Variants in RARB observed in about 807,000 individuals in gnomAD.
The protein encoded by RARB is retinoic acid receptor beta, also known as HBV-activated protein.
RARB carries 17 observed loss-of-function variants against 51.9 expected under a neutral mutation model. That is an observed-to-expected ratio of 0.33 (90% CI 0.22 to 0.49). The LOEUF is 0.49. Among genes scored for constraint, RARB ranks in the 20% least tolerant of loss-of-function variants. The probability of loss-of-function intolerance (pLI) is 0.99; values close to 1 mark genes in which losing one functional copy is unlikely to be tolerated. For missense variants in RARB, 369 were observed against 550.8 expected (o/e 0.67, Z 3.30); for synonymous variants, 215 against 195.4 (o/e 1.10, Z -0.84).
intron 1 of RARB, among the ~76,000 whole-genome samples, chr3:25,443,384 A>G (rs908449463): frequency 7.3e-5 from 11 of 151,576 alleles, no homozygotes; most frequent in Non-Finnish European, 1.3e-4. Context: ...CCTGTTAGCC[A>G]GGACATTATT....
chr3:25,495,863 T>C (rs1697000602), intron 2 of RARB, among the ~76,000 whole-genome samples: 1 of 152,184 alleles, frequency 6.6e-6, no homozygotes, highest in South Asian at 2.1e-4. Flanking sequence ...AGCAACAGAA[T>C]TCATTATTAA....
At chr3:25,465,332 C>T (rs1441608769) in intron 2 of RARB, among the ~76,000 whole-genome samples, 1 of 152,156 alleles carries the variant, frequency 6.6e-6, no homozygotes, top group Non-Finnish European at 1.5e-5. Flanking sequence ...CCAGCAGATG[C>T]ACCATAGGCC....
intron 2 of RARB, among the ~76,000 whole-genome samples, chr3:24,965,137 G>A (rs1460804076): frequency 6.6e-6 from 1 of 152,140 alleles, no homozygotes; most frequent in African/African-American, 2.4e-5. Flanking sequence ...TTCACTTCTG[G>A]TTAAGGGCAC....
At chr3:25,296,459 C>T (rs1394867067) in intron 5 of RARB, among the ~76,000 whole-genome samples, 1 of 152,128 alleles carries the variant, frequency 6.6e-6, no homozygotes, top group Non-Finnish European at 1.5e-5. Flanking sequence ...TCATCTGTAA[C>T]ATGTTGATTT....
intron 5 of RARB, among the ~76,000 whole-genome samples, chr3:25,349,187 G>C (rs921409683): frequency 6.6e-6 from 1 of 152,220 alleles, no homozygotes; most frequent in African/African-American, 2.4e-5. Context: ...TGTGAATGCA[G>C]CTGACAGTGA....
chr3:25,328,317 C>G (rs542533420), intron 5 of RARB, among the ~76,000 whole-genome samples: 1 of 152,270 alleles, frequency 6.6e-6, no homozygotes, highest in African/African-American at 2.4e-5. Context: ...GTGAGGAGTT[C>G]AAAACAAGCC....
intron 1 of RARB, among the ~76,000 whole-genome samples, chr3:25,437,117 C>CTTTTT (rs35238900): frequency 7.2e-6 from 1 of 139,650 alleles, no homozygotes; most frequent in Admixed American, 7.2e-5. Flanking sequence ...TAAAAGCAAA[C>CTTTTT]TTTTTTTTTT....
intron 2 of RARB, among the ~76,000 whole-genome samples, chr3:24,947,442 T>G (rs1420908451): frequency 1.3e-5 from 2 of 152,068 alleles, no homozygotes; most frequent in African/African-American, 4.8e-5. Flanking sequence ...TTCAGAGGAG[T>G]GTTGTTTCAT....
chr3:24,934,607 G>C (rs1483073925), intron 2 of RARB, among the ~76,000 whole-genome samples: 6 of 151,990 alleles, frequency 3.9e-5, no homozygotes, highest in Non-Finnish European at 7.4e-5. Context: ...ATTTCACACT[G>C]CTTATACTGT....
chr3:24,938,425 T>C (rs1382483071), intron 2 of RARB, among the ~76,000 whole-genome samples: 2 of 152,148 alleles, frequency 1.3e-5, no homozygotes, highest in South Asian at 2.1e-4. Context: ...CTGCCATAGA[T>C]GTATTTTTTG....
rs186106411 is a variant in RARB at position 25,388,488 on chromosome 3, T to A, written c.179-72705T>A. On this transcript the variant is annotated intron_variant, in intron 5 of 11. Coordinates refer to the RARB transcript ENST00000383772. Reference sequence around the variant, plus strand: ...TCTTCATTATGCTTGAAAGCATTAGTTTAATGAAAGATAAGTGGACTTGAT... The same window carrying A: ...TCTTCATTATGCTTGAAAGCATTAGATTAATGAAAGATAAGTGGACTTGAT... 2.8e-4 allele frequency among the ~76,000 whole-genome samples: 43 copies of A among 152,326 alleles called. No homozygotes were observed. The East Asian group carries it at 3.3e-3, about 12-fold the overall frequency.
At chr3:25,124,770 G>C (rs762353609) in intron 3 of RARB, among the ~76,000 whole-genome samples, 8 of 152,158 alleles carry the variant, frequency 5.3e-5, no homozygotes, top group Non-Finnish European at 1.0e-4. Flanking sequence ...CTTATTTGTA[G>C]CACATTGGTT....
rs150361708 is a variant in RARB at position 25,522,964 on chromosome 3, G to T, written c.448+21641G>T. Among the ~76,000 whole-genome samples, 16 of 152,276 alleles carry T rather than the reference G, an allele frequency of 1.1e-4. No homozygotes were observed. The East Asian group carries it at 3.1e-3, about 29-fold the overall frequency. On this transcript the variant is annotated intron_variant, in intron 3 of 7. Coordinates refer to ENST00000330688, the MANE Select transcript of RARB (RefSeq NM_000965.5). ...AAATGTTCTCCAGTTTGATGGTGCT[G>T]TCTAGAAAGTTCTGTTGGTCACAAG...
chr3:24,997,005 T>G (rs114618268), intron 2 of RARB, among the ~76,000 whole-genome samples: 25 of 152,174 alleles, frequency 1.6e-4, no homozygotes, highest in African/African-American at 5.8e-4. Flanking sequence ...ATCCAATGTT[T>G]CTTTGTTGTT....
chr3:25,023,124 T>C (rs541516075), intron 2 of RARB, among the ~76,000 whole-genome samples: 11 of 151,894 alleles, frequency 7.2e-5, no homozygotes, highest in African/African-American at 2.7e-4. Context: ...CAGTAAGGAG[T>C]CCCCTTTCTG....
At chr3:25,100,094 A>G (rs1162306172) in intron 3 of RARB, among the ~76,000 whole-genome samples, 1 of 152,146 alleles carries the variant, frequency 6.6e-6, no homozygotes, top group African/African-American at 2.4e-5. Flanking sequence ...GTGCTCATTC[A>G]TTCATTCATC....
In RARB at chr3:24,941,009, G is replaced by A. The variant is rs930229557; in HGVS notation, c.-380+82257G>A. ...GCCAACCAACATTAAATTTTGAATC[G>A]TTTACCATCCTATATTGAAATAGAA... On this transcript the variant is annotated intron_variant, in intron 2 of 11. Transcript: ENST00000383772. Among the ~76,000 whole-genome samples, 58 of 152,104 alleles carry A rather than the reference G, an allele frequency of 3.8e-4. 1 individual carries two copies. The highest frequency in any genetic ancestry group is 3.3e-4 in the Admixed American group (5 of 15,280).
chr3:25,461,328 G>T lies in RARB; in HGVS notation c.293G>T (p.Cys98Phe). ...GGGTACCACTATGGGGTCAGCGCCT[G>T]TGAGGGATGTAAGGTGAGTATTCAC... is the stretch of plus-strand genomic sequence containing the variant. ...SSGYHYGVSA[C>F]EGCKGFFRRS... Residue 98 changes from cysteine (C) to phenylalanine (F), a missense_variant, in exon 2 of 8, where the codon TGT (cysteine) becomes TTT (phenylalanine). Physicochemically the swap from Cys to Phe is radical, Grantham distance 205. Transcript: ENST00000330688. 1 of 1,613,842 alleles carries T rather than the reference G, an allele frequency of 6.2e-7. No homozygotes were observed.
At chr3:25,293,612 A>AAAAAAAAAAAAAAAAAAAAAAAAAAAC (rs1703844288) in intron 5 of RARB, among the ~76,000 whole-genome samples, 1 of 150,204 alleles carries the variant, frequency 6.7e-6, no homozygotes, top group Non-Finnish European at 1.5e-5. Context: ...AAAAAAAAAA[A>AAAAAAAAAAAAAAAAAAAAAAAAAAAC]AAAAAAGTTC....
Sources: allele counts gnomAD v4.1 joint callset (sites outside exome capture counted in the v4.1 genomes callset), GRCh38; gene constraint gnomAD v4.1.1; transcripts MANE v1.5; gene names NCBI Gene and HGNC (gene_info 2026-07-23, HGNC 2026-07-21).